GGT5: variants seen among roughly 807,000 people sequenced by gnomAD.
The protein encoded by GGT5 is gamma-glutamyltransferase 5, also known as glutathione hydrolase 5 proenzyme.
GGT5 carries 50 observed loss-of-function variants against 58.1 expected under a neutral mutation model. The ratio of observed to expected loss-of-function variants is 0.86; its 90% CI spans 0.69 to 1.09. The LOEUF (loss-of-function observed/expected upper bound fraction) is 1.09, where lower values mean the gene tolerates loss of function less well. Ranked by LOEUF, GGT5 falls within the 50% of genes least tolerant of loss-of-function variation. The probability of loss-of-function intolerance (pLI) is 0.00; values close to 1 mark genes in which losing one functional copy is unlikely to be tolerated. For synonymous variants in GGT5, 370 were observed against 346.1 expected (o/e 1.07, Z -0.77); for missense variants, 800 against 789.4 (o/e 1.01, Z -0.16).
intron 1 of GGT5, among the ~76,000 whole-genome samples, chr22:24,239,135 C>T (rs1417259045): frequency 3.4e-5 from 5 of 146,754 alleles, no homozygotes; most frequent in South Asian, 2.2e-4. Context: ...GTTAGGAGAT[C>T]GAGACCATCC....
At chr22:24,237,490 C>A (rs927075095) in intron 1 of GGT5, among the ~76,000 whole-genome samples, 21 of 152,076 alleles carry the variant, frequency 1.4e-4, no homozygotes, top group African/African-American at 4.8e-4. Flanking sequence ...CTCACTGCAA[C>A]CTTCACCTCC....
Position 24,225,065 on chromosome 22 carries a change from C to T in GGT5, c.1545G>A (p.Ala515=), listed in dbSNP as rs760823413. ...SKLWLGFDLR[A]AIAAPILHVN... ...CATGCAGGATGGGGGCTGCAATGGC[C>T]GCTCTCAGGTCAAAGCCAAGCCACA... Residue 515 remains alanine, a synonymous_variant, in exon 11 of 12, where the codon GCG becomes GCA. Transcript: ENST00000327365. 39 of 1,600,912 alleles carry T rather than the reference C, an allele frequency of 2.4e-5. 1 individual carries two copies. The highest frequency in any genetic ancestry group is 1.6e-4 in the Middle Eastern group (1 of 6,066).
chr22:24,232,305 G>C (rs994213615), intron 4 of GGT5, 97 bp from the exon 5 acceptor site: 11 of 637,456 alleles, frequency 1.7e-5, no homozygotes, highest in Non-Finnish European at 2.6e-5. Context: ...ACCCTACAGT[G>C]GGGGGCGCCC....
chr22:24,232,118 T>A lies in GGT5; in HGVS notation c.687A>T (p.Thr229=). The change falls in exon 5 of 12, where the codon ACA becomes ACT. Residue 229 remains threonine (T), a synonymous_variant. Coordinates refer to ENST00000327365, the MANE Select transcript of GGT5 (RefSeq NM_004121.5). ...CCGTGTAGAAGACCTCCACGCCCTC[T>A]GTGGCCACGGTCTCCAGGGTGGTGG... The part of the protein sequence containing the change: ...ALATTLETVA[T]EGVEVFYTGR... The A allele has an allele frequency of 6.2e-7, 1 of 1,610,578 alleles. No individual in the cohort carries two copies. The highest frequency in any genetic ancestry group is 8.5e-7 in the Non-Finnish European group (1 of 1,177,886).
intron 5 of GGT5, 41 bp from the exon 6 acceptor site, chr22:24,231,571 C>G: frequency 1.3e-6 from 2 of 1,569,214 alleles, no homozygotes; most frequent in Non-Finnish European, 1.7e-6. Context: ...AGATGGGAAA[C>G]TGAGGCGGGG....
At chr22:24,236,302 G>A (rs1048158691) in intron 1 of GGT5, among the ~76,000 whole-genome samples, 3 of 152,016 alleles carry the variant, frequency 2.0e-5, no homozygotes, top group African/African-American at 7.3e-5. Context: ...ATCCTGGATT[G>A]GTCACTTTCT....
In GGT5 at chr22:24,225,538, G is replaced by C; in HGVS notation, c.1336+8C>G. The C allele has an allele frequency of 2.5e-6, 4 of 1,598,896 alleles. No homozygotes were observed. The highest frequency in any genetic ancestry group is 2.2e-5 in the South Asian group (2 of 90,746). Reference sequence around the variant, plus strand: ...TTGTGGACCCCGGGTGGGAAGCTTTGTTCTCACCAGGTGAGGGGGTGGTGC... The same window carrying C: ...TTGTGGACCCCGGGTGGGAAGCTTTCTTCTCACCAGGTGAGGGGGTGGTGC... On this transcript the variant is annotated splice_region_variant and intron_variant, in intron 9 of 11. Transcript: ENST00000327365.
intron 6 of GGT5, among the ~76,000 whole-genome samples, chr22:24,230,136 G>C (rs2047894790): frequency 6.6e-6 from 1 of 152,108 alleles, no homozygotes; most frequent in African/African-American, 2.4e-5. Context: ...GGGATGCCGA[G>C]GTGGGCGGAT....
chr22:24,219,933 G>T lies in GGT5; in HGVS notation c.*37C>A. On this transcript the variant is annotated 3_prime_UTR_variant, in exon 12 of 12. Transcript: ENST00000327365. Reference sequence around the variant, plus strand: ...TGTCCGGCCTGGACACAGGACTCATGGTGGGGCCAGACTTCAGCTCTGGGC... The same window carrying T: ...TGTCCGGCCTGGACACAGGACTCATTGTGGGGCCAGACTTCAGCTCTGGGC... 6.2e-7 allele frequency: 1 copy of T among 1,606,842 alleles called. No individual in the cohort carries two copies. The highest frequency in any genetic ancestry group is 8.5e-7 in the Non-Finnish European group (1 of 1,174,306).
In GGT5 at chr22:24,224,981, G is replaced by A. The variant is rs777545484; in HGVS notation, c.1614+15C>T. ...GGGCTCTGCCCTAGGCATCCAGCTC[G>A]GACCTCAGCCTCACCTGGCTGAAGT... is the stretch of plus-strand genomic sequence containing the variant. On this transcript the variant is annotated intron_variant, in intron 11 of 11. Coordinates refer to ENST00000327365, the MANE Select transcript of GGT5 (RefSeq NM_004121.5). The A allele has an allele frequency of 7.9e-6, 12 of 1,519,888 alleles. No individual in the cohort carries two copies. Among genetic ancestry groups the A allele is most frequent in the South Asian group, 2.4e-5 (2 of 84,944 alleles). 94.2% of individuals were successfully genotyped at this position (1,519,888 alleles called of 1,614,324 possible). A position where few individuals can be genotyped will look rare whatever the true frequency, so the allele number is the denominator to read the frequency against.
In GGT5 at chr22:24,232,202, G is replaced by C. The variant is rs1354695053; in HGVS notation, c.603C>G (p.Leu201=). Residue 201 remains leucine, a synonymous_variant, in exon 5 of 12, where the codon CTC becomes CTG. Coordinates refer to ENST00000327365, the MANE Select transcript of GGT5 (RefSeq NM_004121.5). ...PSLQASTLRQ[L]FFNGTEPLRP... ...TCAGGGGTTCTGTCCCGTTGAAGAAGAGCTGGCTGGGGGGTGGGGGGAGCC... is the reference window on the plus strand; with the variant it reads ...TCAGGGGTTCTGTCCCGTTGAAGAACAGCTGGCTGGGGGGTGGGGGGAGCC... 7.1e-7 allele frequency: 1 copy of C among 1,408,088 alleles called. No homozygotes were observed. 87.2% of individuals were successfully genotyped at this position (1,408,088 alleles called of 1,614,324 possible). A position where few individuals can be genotyped will look rare whatever the true frequency, so the allele number is the denominator to read the frequency against.
At chr22:24,221,769 G>A (rs1488205479) in intron 11 of GGT5, among the ~76,000 whole-genome samples, 1 of 151,640 alleles carries the variant, frequency 6.6e-6, no homozygotes, top group Non-Finnish European at 1.5e-5. Context: ...GCCTCCCAAA[G>A]TGCTGGGATT....
intron 1 of GGT5, 104 bp from the exon 2 acceptor site, chr22:24,234,108 G>A (rs1314306968): frequency 2.9e-5 from 34 of 1,155,132 alleles, no homozygotes; most frequent in Non-Finnish European, 3.9e-5. Context: ...GAGGCGGCAC[G>A]TCGGCTGCCA....
intron 3 of GGT5, 37 bp from the exon 4 acceptor site, chr22:24,233,055 C>G: frequency 7.2e-7 from 1 of 1,397,404 alleles, no homozygotes; most frequent in South Asian, 1.5e-5. Flanking sequence ...CCTGTGGCTT[C>G]CAGGCCTTCC....
In GGT5 at chr22:24,232,859, C is replaced by T; in HGVS notation, c.560G>A (p.Ser187Asn). Residue 187 changes from serine (S) to asparagine (N), a missense_variant, in exon 4 of 12, where the codon AGC (serine) becomes AAC (asparagine). Coordinates refer to ENST00000327365, the MANE Select transcript of GGT5 (RefSeq NM_004121.5). ...CGCCTGCAAGGAAGGCCGCAGGATG[C>T]TGTTGTGCAGGAAACGGCTGAGGAC... ...APVLSRFLHNSILRPSLQAST... is the reference protein window; with the variant it reads ...APVLSRFLHNNILRPSLQAST... 1 of 1,569,506 alleles carries T rather than the reference C, an allele frequency of 6.4e-7. No homozygotes were observed. Among genetic ancestry groups the T allele is most frequent in the East Asian group, 2.3e-5 (1 of 43,006 alleles).
chr22:24,235,554 C>T (rs1239193827), intron 1 of GGT5, among the ~76,000 whole-genome samples: 1 of 152,140 alleles, frequency 6.6e-6, no homozygotes, highest in Non-Finnish European at 1.5e-5. Context: ...CTCTCTGGGC[C>T]CACACGTGGC....
chr22:24,240,064 C>A (rs879566466), intron 1 of GGT5, among the ~76,000 whole-genome samples: 3 of 152,136 alleles, frequency 2.0e-5, no homozygotes, highest in Non-Finnish European at 4.4e-5. Context: ...CCAGCCTGGG[C>A]AGCAGAGCAA....
chr22:24,241,893 T>C (rs1414404834), intron 1 of GGT5: 7 of 151,698 alleles, frequency 4.6e-5, no homozygotes, highest in Admixed American at 3.9e-4. Flanking sequence ...CTTGGCTTAC[T>C]GCAACCTTTG....
At chr22:24,242,667 GGGAGAGATGAT>G (rs2048357500) in intron 1 of GGT5, 2 of 152,408 alleles carry the variant, frequency 1.3e-5, no homozygotes, top group African/African-American at 4.8e-5. Context: ...GAGCACAGAG[GGGAGAGATGAT>G]GGAGTCAGGA....
Sources: allele counts gnomAD v4.1 joint callset (sites outside exome capture counted in the v4.1 genomes callset), GRCh38; gene constraint gnomAD v4.1.1; transcripts MANE v1.5; gene names NCBI Gene and HGNC (gene_info 2026-07-23, HGNC 2026-07-21).